Variants in TIAM2 observed in about 807,000 individuals in gnomAD.
TIAM2 encodes the protein TIAM Rac1 associated GEF 2.
A neutral mutation model predicts 152.9 loss-of-function variants in TIAM2; 80 were observed. The ratio of observed to expected loss-of-function variants is 0.52; its 90% CI spans 0.44 to 0.63. TIAM2 has a LOEUF of 0.63. Among genes scored for constraint, TIAM2 ranks in the 30% least tolerant of loss-of-function variants. The pLI, the probability that TIAM2 is intolerant of heterozygous loss-of-function variation, is 0.00. For synonymous variants in TIAM2, 804 were observed against 838.0 expected, an observed-to-expected ratio of 0.96 and a Z score of 0.70; for missense variants, 1,965 against 2,120.1, an observed-to-expected ratio of 0.93 and a Z score of 1.44.
In TIAM2 at chr6:155,257,218, A is replaced by G. The variant is rs1170852203; in HGVS notation, c.*97A>G. The stretch of plus-strand genomic sequence containing the variant: ...AAAAAAAAAAAAAAAAAAACTGTTC[A>G]TTCCTGGGTTTTGTGCAGTATACAT... On this transcript the variant is annotated 3_prime_UTR_variant, in exon 27 of 27. Coordinates refer to ENST00000682666, the MANE Select transcript of TIAM2 (RefSeq NM_012454.4). 2 of 1,268,556 alleles carry G rather than the reference A, an allele frequency of 1.6e-6. No individual in the cohort carries two copies. Among genetic ancestry groups the G allele is most frequent in the Non-Finnish European group, 2.2e-6 (2 of 925,154 alleles). The allele number at this position is 1,268,556 out of a possible 1,614,324, so 78.6% of individuals were successfully genotyped here. A position where few individuals can be genotyped will look rare whatever the true frequency, so the allele number is the denominator to read the frequency against.
intron 2 of TIAM2, among the ~76,000 whole-genome samples, chr6:155,114,732 GA>G (rs1003112178): frequency 2.6e-5 from 4 of 151,782 alleles, no homozygotes; most frequent in Non-Finnish European, 4.4e-5. Context: ...GTTACCTGGA[GA>G]AAAAAAATAC....
At chr6:155,015,363 G>A (rs1034931288) in intron 1 of TIAM2, among the ~76,000 whole-genome samples, 5 of 152,150 alleles carry the variant, frequency 3.3e-5, no homozygotes, top group Admixed American at 6.5e-5. Flanking sequence ...GAAGTGCCTC[G>A]TGAGCAGTTA....
chr6:155,254,301 GTGGCTGGC>G, intron 25 of TIAM2, 110 bp from the exon 26 acceptor site: 13 of 1,370,496 alleles, frequency 9.5e-6, no homozygotes, highest in Non-Finnish European at 1.3e-5. Flanking sequence ...CTGCTGCTGG[GTGGCTGGC>G]TGGCAGCCTG....
intron 2 of TIAM2, 52 bp downstream of exon 2, chr6:155,090,431 C>G (rs1022054007): frequency 5.9e-5 from 9 of 152,266 alleles, no homozygotes; most frequent in African/African-American, 1.9e-4. Context: ...ATATGTCAGT[C>G]TGTATTTCTT....
intron 25 of TIAM2, 32 bp from the exon 26 acceptor site, chr6:155,254,387 A>T: frequency 6.2e-7 from 1 of 1,604,718 alleles, no homozygotes; most frequent in Non-Finnish European, 8.5e-7. Context: ...CACTGTGGAC[A>T]CTTCTGCTGT....
intron 2 of TIAM2, among the ~76,000 whole-genome samples, chr6:155,091,601 T>C (rs940843965): frequency 1.3e-5 from 2 of 152,238 alleles, no homozygotes; most frequent in Middle Eastern, 3.2e-3. Context: ...CAGGAAGTTA[T>C]CTAATATCTC....
intron 2 of TIAM2, among the ~76,000 whole-genome samples, chr6:155,108,743 A>G (rs1778758159): frequency 6.6e-6 from 1 of 151,992 alleles, no homozygotes; most frequent in East Asian, 1.9e-4. Flanking sequence ...AAAACAGATG[A>G]TTCTGTCTTG....
intron 7 of TIAM2, among the ~76,000 whole-genome samples, chr6:155,163,583 A>G (rs1780330426): frequency 6.6e-6 from 1 of 152,206 alleles, no homozygotes; most frequent in Non-Finnish European, 1.5e-5. Flanking sequence ...TCTCCAAGAT[A>G]CTTACTTAGG....
At chr6:155,040,629 G>A (rs1319879946) in intron 1 of TIAM2, among the ~76,000 whole-genome samples, 5 of 151,848 alleles carry the variant, frequency 3.3e-5, no homozygotes, top group Non-Finnish European at 7.4e-5. Flanking sequence ...TGTGATTCTC[G>A]TGCCTCAGCC....
chr6:155,230,288 C>T (rs1782413960), intron 15 of TIAM2, among the ~76,000 whole-genome samples: 1 of 152,234 alleles, frequency 6.6e-6, no homozygotes, highest in African/African-American at 2.4e-5. Flanking sequence ...ACCTGCCAGA[C>T]CCTGCCTCTC....
chr6:155,087,210 C>A (rs539355436), intron 1 of TIAM2, among the ~76,000 whole-genome samples: 27 of 152,238 alleles, frequency 1.8e-4, no homozygotes, highest in African/African-American at 6.0e-4. Flanking sequence ...AACATGAAAT[C>A]ACATGGTATT....
intron 1 of TIAM2, among the ~76,000 whole-genome samples, chr6:155,037,479 TGCAGGTCA>T (rs1373247665): frequency 4.6e-5 from 7 of 152,162 alleles, no homozygotes; most frequent in South Asian, 2.1e-4. Context: ...CCCTTAAAGT[TGCAGGTCA>T]GCATGAATAG....
At chr6:155,021,541 C>T (rs1039108264) in intron 1 of TIAM2, among the ~76,000 whole-genome samples, 1 of 152,130 alleles carries the variant, frequency 6.6e-6, no homozygotes, top group African/African-American at 2.4e-5. Context: ...GGATTACAGG[C>T]ACGAGCCACC....
At chr6:155,211,486 GTAC>G (rs10548065) in intron 15 of TIAM2, among the ~76,000 whole-genome samples, 179 bp downstream of exon 15, 4,212 of 152,150 alleles carry the variant, frequency 0.028, 201 homozygotes, top group African/African-American at 0.096. Flanking sequence ...TTGAAGTGAA[GTAC>G]TACTAATCGG....
intron 1 of TIAM2, among the ~76,000 whole-genome samples, chr6:155,038,551 TA>T (rs1173620929): frequency 6.6e-6 from 1 of 152,248 alleles, no homozygotes; most frequent in East Asian, 1.9e-4. Flanking sequence ...TTGAAACTAC[TA>T]AGACAATGCT....
At chr6:155,224,134 C>T (rs1310291502) in intron 15 of TIAM2, among the ~76,000 whole-genome samples, 1 of 152,146 alleles carries the variant, frequency 6.6e-6, no homozygotes, top group African/African-American at 2.4e-5. Flanking sequence ...AGATTGTAGT[C>T]CAATGAAAAC....
Position 155,029,497 on chromosome 6 carries a change from T to TAATATATACTCTATAG in TIAM2, c.-209+34005_-209+34006insAATATATACTCTATAG, listed in dbSNP as rs1209332280. 3.1e-3 allele frequency among the ~76,000 whole-genome samples: 76 copies of TAATATATACTCTATAG among 24,480 alleles called. 7 individuals are homozygous for TAATATATACTCTATAG. The highest frequency in any genetic ancestry group is 0.012 in the African/African-American group (70 of 5,604). The allele number at this position is 24,480 out of a possible 152,430, so 16.1% of individuals were successfully genotyped here. On this transcript the variant is annotated intron_variant, in intron 1 of 26. Transcript: ENST00000682666. The stretch of plus-strand genomic sequence containing the variant: ...TATAGTATATATACTATAGTATATA[T>TAATATATACTCTATAG]TATATATAATATATACTATATATTA...
chr6:155,091,341 C>G (rs1036074497), intron 2 of TIAM2, among the ~76,000 whole-genome samples: 1 of 152,188 alleles, frequency 6.6e-6, no homozygotes, highest in African/African-American at 2.4e-5. Flanking sequence ...AGGGCAGGAA[C>G]CTTCTCTGCC....
chr6:155,249,304 C>G (rs1190642252), intron 20 of TIAM2, among the ~76,000 whole-genome samples: 1 of 152,174 alleles, frequency 6.6e-6, no homozygotes, highest in Admixed American at 6.5e-5. Flanking sequence ...GTCAGTCAGT[C>G]ATGTACTGGG....
Sources: gnomAD v4.1 joint callset for allele counts (sites outside exome capture counted in the v4.1 genomes callset) on GRCh38, gnomAD v4.1.1 for gene constraint, MANE v1.5 for transcripts, NCBI Gene and HGNC (gene_info 2026-07-23, HGNC 2026-07-21) for gene names.